The following TMEM135 variants were observed in gnomAD, a reference collection of about 807,000 sequenced individuals.
TMEM135 encodes the protein peroxisomal membrane protein 52.
In TMEM135, 30 loss-of-function variants were observed where a neutral mutation model predicts 60.3. That is an observed-to-expected ratio of 0.50 (90% confidence interval 0.37 to 0.68). The LOEUF (loss-of-function observed/expected upper bound fraction) is 0.68. TMEM135 is among the 30% of genes least tolerant of loss of function. The pLI is 0.00. For missense variants in TMEM135, 468 were observed against 548.8 expected, an observed-to-expected ratio of 0.85 and a Z score of 1.47; for synonymous variants, 190 against 186.7, an observed-to-expected ratio of 1.02 and a Z score of -0.14.
At chr11:87,266,901 C>T (rs1941759707) in intron 6 of TMEM135, among the ~76,000 whole-genome samples, 1 of 152,164 alleles carries the variant, frequency 6.6e-6, no homozygotes, top group African/African-American at 2.4e-5. Context: ...GTGTGGTTTT[C>T]TCTAGCAGTA....
intron 5 of TMEM135, among the ~76,000 whole-genome samples, chr11:87,186,812 T>C (rs145983528): frequency 1.1e-3 from 175 of 152,304 alleles, no homozygotes; most frequent in Middle Eastern, 3.4e-3. Context: ...GCCTAATTTT[T>C]TTACTCTGTG....
chr11:87,055,254 C>T (rs1200290848), intron 1 of TMEM135, among the ~76,000 whole-genome samples: 6 of 152,202 alleles, frequency 3.9e-5, no homozygotes, highest in African/African-American at 7.2e-5. Context: ...CAAATTTTAA[C>T]GTGACAAATC....
intron 5 of TMEM135, among the ~76,000 whole-genome samples, chr11:87,215,165 A>T (rs1214624381): frequency 6.6e-6 from 1 of 152,194 alleles, no homozygotes; most frequent in African/African-American, 2.4e-5. Context: ...AATATGAAAT[A>T]CTTTATAATA....
At chr11:87,279,640 T>C (rs940420940) in intron 6 of TMEM135, among the ~76,000 whole-genome samples, 3 of 152,226 alleles carry the variant, frequency 2.0e-5, no homozygotes, top group African/African-American at 4.8e-5. Context: ...TGAACAGATA[T>C]ATGATTGTGT....
chr11:87,259,207 C>T (rs1013522612), intron 6 of TMEM135: 14 of 503,442 alleles, frequency 2.8e-5, no homozygotes, highest in Admixed American at 6.0e-5. Flanking sequence ...TTCTCCACGT[C>T]GCCTTTTGGG....
At chr11:87,122,309 G>GTTTT (rs11367827) in intron 4 of TMEM135, among the ~76,000 whole-genome samples, 1 of 110,356 alleles carries the variant, frequency 9.1e-6, no homozygotes, top group Non-Finnish European at 1.9e-5. Context: ...GTTTTGCTAG[G>GTTTT]TTTTTTTTTT....
intron 2 of TMEM135, among the ~76,000 whole-genome samples, chr11:87,070,593 A>G (rs1856757450): frequency 6.6e-6 from 1 of 152,116 alleles, no homozygotes; most frequent in East Asian, 1.9e-4. Context: ...CCGAGACTGC[A>G]CCACTGCACT....
intron 3 of TMEM135, among the ~76,000 whole-genome samples, chr11:87,083,169 A>C (rs1857026031): frequency 6.6e-6 from 1 of 152,196 alleles, no homozygotes; most frequent in Non-Finnish European, 1.5e-5. Context: ...CTTAAATCTT[A>C]ATCGCATCAT....
intron 5 of TMEM135, among the ~76,000 whole-genome samples, chr11:87,236,273 C>A (rs752218815): frequency 6.6e-6 from 1 of 151,758 alleles, no homozygotes; most frequent in Non-Finnish European, 1.5e-5. Flanking sequence ...GGTGTCCAAT[C>A]TTTTAGCTTT....
intron 4 of TMEM135, among the ~76,000 whole-genome samples, chr11:87,130,082 A>T (rs1209737773): frequency 2.0e-5 from 3 of 151,886 alleles, no homozygotes; most frequent in African/African-American, 7.3e-5. Flanking sequence ...AAGTAGCAGG[A>T]TACGTAATTA....
chr11:87,107,480 G>C (rs957041782), intron 4 of TMEM135, among the ~76,000 whole-genome samples: 5 of 149,832 alleles, frequency 3.3e-5, no homozygotes, highest in African/African-American at 1.2e-4. Context: ...TGTTCTCATT[G>C]TTCAATTCTC....
At chr11:87,268,305 G>A (rs917395105) in intron 6 of TMEM135, among the ~76,000 whole-genome samples, 3 of 146,890 alleles carry the variant, frequency 2.0e-5, no homozygotes, top group Non-Finnish European at 4.5e-5. Flanking sequence ...TTGTAAAGAC[G>A]GGGTCTCCCT....
intron 6 of TMEM135, among the ~76,000 whole-genome samples, chr11:87,267,696 C>A (rs1245462247): frequency 7.0e-6 from 1 of 142,446 alleles, no homozygotes; most frequent in Non-Finnish European, 1.5e-5. Context: ...ATGTCATGAT[C>A]AGTATTCTTT....
At chr11:87,077,814 C>T (rs984621172) in intron 3 of TMEM135, among the ~76,000 whole-genome samples, 1 of 152,182 alleles carries the variant, frequency 6.6e-6, no homozygotes, top group African/African-American at 2.4e-5. Flanking sequence ...AGATTTGCTT[C>T]TTCTGGACAT....
intron 5 of TMEM135, among the ~76,000 whole-genome samples, chr11:87,160,740 A>G (rs1420611920): frequency 1.3e-5 from 2 of 152,236 alleles, no homozygotes; most frequent in African/African-American, 4.8e-5. Flanking sequence ...ACAGAATAAT[A>G]TATGGCTTAA....
chr11:87,236,225 G>A (rs78039008), intron 5 of TMEM135, among the ~76,000 whole-genome samples: 1 of 151,528 alleles, frequency 6.6e-6, no homozygotes, highest in African/African-American at 2.4e-5. Flanking sequence ...TTACATATAA[G>A]TATTGCAATT....
chr11:87,129,492 C>T (rs1435100083), intron 4 of TMEM135, among the ~76,000 whole-genome samples: 1 of 150,968 alleles, frequency 6.6e-6, no homozygotes, highest in East Asian at 1.9e-4. Flanking sequence ...ATCCGTCTGC[C>T]TAGGCCTCCC....
At chr11:87,320,874 A>G (rs1450886308) in intron 14 of TMEM135, among the ~76,000 whole-genome samples, 1 of 152,178 alleles carries the variant, frequency 6.6e-6, no homozygotes, top group Non-Finnish European at 1.5e-5. Flanking sequence ...CATAAAAATA[A>G]TAATGAACCT....
intron 6 of TMEM135, among the ~76,000 whole-genome samples, chr11:87,280,386 C>T (rs567987790): frequency 2.6e-4 from 40 of 152,224 alleles, no homozygotes; most frequent in African/African-American, 7.9e-4. Flanking sequence ...AGTTCAAATT[C>T]GTTTTTGGCA....
Sources: allele counts gnomAD v4.1 joint callset (sites outside exome capture counted in the v4.1 genomes callset), GRCh38; gene constraint gnomAD v4.1.1; transcripts MANE v1.5; gene names NCBI Gene and HGNC (gene_info 2026-07-23, HGNC 2026-07-21).